The following AFAP1 variants were observed in gnomAD, a reference collection of about 807,000 sequenced individuals.
The protein encoded by AFAP1 is actin filament associated protein 1.
A neutral mutation model predicts 93.9 loss-of-function variants in AFAP1; 75 were observed. The observed-to-expected ratio is 0.80, with a 90% CI of 0.66 to 0.97. AFAP1 has a LOEUF of 0.97. Among genes scored for constraint, AFAP1 ranks in the 50% least tolerant of loss-of-function variants. AFAP1 has a pLI of 0.00. For synonymous variants in AFAP1, 517 were observed against 430.7 expected (o/e 1.20, Z -2.48); for missense variants, 1,201 against 1,050.8 (o/e 1.14, Z -1.98).
chr4:7,917,962 C>T (rs987954428), intron 1 of AFAP1, among the ~76,000 whole-genome samples: 2 of 152,326 alleles, frequency 1.3e-5, no homozygotes, highest in Admixed American at 6.5e-5. Context: ...CAAAGGACCA[C>T]GGGATAGATG....
intron 3 of AFAP1, among the ~76,000 whole-genome samples, chr4:7,865,335 T>A (rs540726738): frequency 6.6e-6 from 1 of 152,184 alleles, no homozygotes; most frequent in Non-Finnish European, 1.5e-5. Flanking sequence ...AAAGGATTCA[T>A]TTAGGCTGGG....
intron 1 of AFAP1, among the ~76,000 whole-genome samples, chr4:7,897,744 G>A (rs542051178): frequency 1.3e-5 from 2 of 152,082 alleles, no homozygotes; most frequent in South Asian, 2.1e-4. Context: ...GGCTGGTCTC[G>A]AACTCCTGAC....
At position 7,840,692 on chromosome 4, in the gene AFAP1, C is replaced by T. The variant is rs539119354; in HGVS notation, c.547-1989G>A. Among the ~76,000 whole-genome samples the T allele has an allele frequency of 2.6e-5, 4 of 152,112 alleles. No individual in the cohort carries two copies. In the East Asian group the frequency reaches 7.7e-4, roughly 29 times the overall value. ...TCCCCTTTTTAAAAACTCAACTGAT[C>T]TGAAAAGGAAGAAAAAAATACCTCA... On this transcript the variant is annotated intron_variant, in intron 5 of 17. Transcript: ENST00000420658.
intron 15 of AFAP1, 82 bp from the exon 16 acceptor site, chr4:7,773,092 G>C: frequency 1.3e-6 from 2 of 1,496,846 alleles, no homozygotes; most frequent in South Asian, 1.3e-5. Flanking sequence ...TCCCCAAGAA[G>C]AACTTCCACA....
chr4:7,909,292 C>T (rs370943699), intron 1 of AFAP1, among the ~76,000 whole-genome samples: 2 of 152,118 alleles, frequency 1.3e-5, no homozygotes, highest in East Asian at 3.9e-4. Flanking sequence ...TAAAAACTTG[C>T]CCCAAATTAC....
rs1322983632 is a variant in AFAP1, at chr4:7,793,780, G to A, written c.1313C>T (p.Ala438Val). 7.7e-6 allele frequency: 12 copies of A among 1,566,888 alleles called. No homozygotes were observed. Among genetic ancestry groups the A allele is most frequent in the Non-Finnish European group, 8.7e-6 (10 of 1,143,680 alleles). The change falls in exon 11 of 18, where the codon GCA becomes GTA. Residue 438 changes from alanine to valine, a missense_variant. Physicochemically the swap from Ala to Val is moderately conservative, Grantham distance 64. Transcript: ENST00000420658. Reference sequence around the variant, plus strand: ...CGGGTCTGTGGACGATCCCGTCTCTGCGAGTAAAATCCCAATCCACCTGCC... The same window carrying A: ...CGGGTCTGTGGACGATCCCGTCTCTACGAGTAAAATCCCAATCCACCTGCC... The part of the protein sequence containing the change: ...DMGRWIGILL[A>V]ETGSSTDPEA...
chr4:7,890,520 AC>A (rs1718408068), intron 1 of AFAP1, among the ~76,000 whole-genome samples: 1 of 152,198 alleles, frequency 6.6e-6, no homozygotes, highest in African/African-American at 2.4e-5. Context: ...AATAAATTGA[AC>A]TTTTTAATCT....
At chr4:7,832,985 C>T (rs113320531) in intron 6 of AFAP1, among the ~76,000 whole-genome samples, 14,402 of 152,212 alleles carry the variant, frequency 0.095, 1,267 homozygotes, top group East Asian at 0.49. Flanking sequence ...CATCTCTCAC[C>T]TTGTACAAAA....
chr4:7,858,384 T>C (rs562054364), intron 3 of AFAP1, among the ~76,000 whole-genome samples: 2 of 152,258 alleles, frequency 1.3e-5, no homozygotes, highest in African/African-American at 4.8e-5. Context: ...CAGAAAATAA[T>C]ACTGCTAAAG....
intron 4 of AFAP1, among the ~76,000 whole-genome samples, chr4:7,854,189 T>C (rs946877168): frequency 3.3e-5 from 5 of 152,242 alleles, no homozygotes; most frequent in African/African-American, 1.2e-4. Flanking sequence ...AGGCATTTAA[T>C]TTGTTTTCTA....
intron 1 of AFAP1, among the ~76,000 whole-genome samples, chr4:7,882,562 T>C (rs1717911135): frequency 6.6e-6 from 1 of 152,136 alleles, no homozygotes; most frequent in South Asian, 2.1e-4. Context: ...CCAAATGAGA[T>C]TCACTCTAGA....
At chr4:7,912,675 A>G (rs6826598) in intron 1 of AFAP1, among the ~76,000 whole-genome samples, 133,765 of 151,870 alleles carry the variant, frequency 0.88, 59,155 homozygotes, top group African/African-American at 0.96. Context: ...TTACAGATGT[A>G]AGTCCTTTAT....
At position 7,900,013 on chromosome 4, in the gene AFAP1, TC is replaced by T. The variant is rs141720125; in HGVS notation, c.-2-27934del. On this transcript the variant is annotated intron_variant, in intron 1 of 17. Transcript: ENST00000420658. ...TCAACAGCATTCAAAGGCATGTGCT[TC>T]CCTAAGACTAAGCCATGGCAAATAC... Among the ~76,000 whole-genome samples the T allele has an allele frequency of 6.5e-3, 986 of 152,266 alleles. 8 individuals are homozygous for T. The highest frequency in any genetic ancestry group is 0.021 in the African/African-American group (876 of 41,542).
At chr4:7,899,231 G>T (rs28379782) in intron 1 of AFAP1, among the ~76,000 whole-genome samples, 134 of 152,072 alleles carry the variant, frequency 8.8e-4, no homozygotes, top group Middle Eastern at 6.8e-3. Context: ...ACCTATAGGC[G>T]CCCCCACTGA....
At chr4:7,888,327 TAA>T (rs1468165528) in intron 1 of AFAP1, among the ~76,000 whole-genome samples, 1 of 152,216 alleles carries the variant, frequency 6.6e-6, no homozygotes, top group Non-Finnish European at 1.5e-5. Context: ...CCTTCTGTTA[TAA>T]ATACACTTCC....
chr4:7,830,866 C>T (rs1463258281), intron 6 of AFAP1, among the ~76,000 whole-genome samples: 1 of 152,158 alleles, frequency 6.6e-6, no homozygotes, highest in Non-Finnish European at 1.5e-5. Context: ...GCCTTGCCCT[C>T]CCAAAGCACT....
chr4:7,883,160 T>C (rs1041813276), intron 1 of AFAP1, among the ~76,000 whole-genome samples: 10 of 117,602 alleles, frequency 8.5e-5, no homozygotes, highest in African/African-American at 3.4e-4. Context: ...CACTCCAGCC[T>C]GGGCAACAGA....
intron 3 of AFAP1, among the ~76,000 whole-genome samples, chr4:7,865,684 T>C (rs1716314679): frequency 6.6e-6 from 1 of 152,036 alleles, no homozygotes; most frequent in Admixed American, 6.6e-5. Flanking sequence ...TGGTTGAAAA[T>C]GGTAGAAAAT....
chr4:7,777,379 C>A (rs1389439839), intron 14 of AFAP1: 1 of 152,198 alleles, frequency 6.6e-6, no homozygotes, highest in East Asian at 1.9e-4. Context: ...AAGCCTAGAT[C>A]AGGGATGTAT....
Sources: allele counts gnomAD v4.1 joint callset (sites outside exome capture counted in the v4.1 genomes callset), GRCh38; gene constraint gnomAD v4.1.1; transcripts MANE v1.5; gene names NCBI Gene and HGNC (gene_info 2026-07-23, HGNC 2026-07-21).